SMYD3: variants seen among roughly 807,000 people sequenced by gnomAD.
The protein encoded by SMYD3 is SET and MYND domain containing 3.
Under a neutral mutation model 57.7 loss-of-function variants are expected in SMYD3, and 36 were observed. The ratio of observed to expected loss-of-function variants is 0.62; its 90% CI spans 0.48 to 0.82. The LOEUF (loss-of-function observed/expected upper bound fraction) is 0.82. Ranked by LOEUF, SMYD3 falls within the 40% of genes least tolerant of loss-of-function variation. The probability of loss-of-function intolerance (pLI) is 0.00; values close to 1 mark genes in which losing one functional copy is unlikely to be tolerated. For synonymous variants in SMYD3, 211 were observed against 195.0 expected (o/e 1.08, Z -0.68); for missense variants, 515 against 538.8 (o/e 0.96, Z 0.44).
At chr1:246,352,682 A>G (rs1224368779) in intron 2 of SMYD3, among the ~76,000 whole-genome samples, 1 of 152,180 alleles carries the variant, frequency 6.6e-6, no homozygotes, top group African/African-American at 2.4e-5. Flanking sequence ...CAGCTAATAT[A>G]TGTAGTAAAA....
chr1:245,882,893 T>C (rs1381410059), intron 8 of SMYD3, among the ~76,000 whole-genome samples: 1 of 152,216 alleles, frequency 6.6e-6, no homozygotes, highest in African/African-American at 2.4e-5. Flanking sequence ...TATGGTAGCA[T>C]GAAAAGCTCA....
At chr1:246,201,751 G>A (rs936733983) in intron 5 of SMYD3, among the ~76,000 whole-genome samples, 3 of 152,170 alleles carry the variant, frequency 2.0e-5, no homozygotes, top group African/African-American at 7.2e-5. Context: ...GGTGGCTCAC[G>A]CCAGTAATCC....
rs1353092616 is a variant in SMYD3 at position 246,209,248 on chromosome 1, AC to A, written c.531+117952del. Among the ~76,000 whole-genome samples, 26 of 152,298 alleles carry A rather than the reference AC, an allele frequency of 1.7e-4. No individual in the cohort carries two copies. The East Asian group carries it at 4.6e-3, about 27-fold the overall frequency. ...AAATGGCTGTGATGATAAATTACAGACCTTAATAACTTCTGAACAATTTGAA... is the reference window on the plus strand; with the variant it reads ...AAATGGCTGTGATGATAAATTACAGACTTAATAACTTCTGAACAATTTGAA... On this transcript the variant is annotated intron_variant, in intron 5 of 11. Coordinates refer to ENST00000490107, the MANE Select transcript of SMYD3 (RefSeq NM_001167740.2).
chr1:245,850,859 T>G (rs574654377), intron 10 of SMYD3, among the ~76,000 whole-genome samples: 2 of 152,156 alleles, frequency 1.3e-5, no homozygotes, highest in South Asian at 2.1e-4. Flanking sequence ...AAGCTGGTCA[T>G]GAGCACAGCC....
At chr1:245,934,321 C>T (rs1172447887) in intron 5 of SMYD3, among the ~76,000 whole-genome samples, 3 of 152,116 alleles carry the variant, frequency 2.0e-5, no homozygotes, top group South Asian at 4.1e-4. Context: ...TGCCTCTGCC[C>T]CCCGGCACCC....
chr1:245,842,292 G>A (rs1436461535), intron 10 of SMYD3, among the ~76,000 whole-genome samples: 3 of 152,188 alleles, frequency 2.0e-5, no homozygotes, highest in Admixed American at 2.0e-4. Context: ...GGGTAAATGT[G>A]CATATCTGAA....
At position 245,977,029 on chromosome 1, in the gene SMYD3, C is replaced by CAGGGAAAGCCATCGTCTCTAGCCT. The variant is rs2058457580; in HGVS notation, c.532-47093_532-47092insAGGCTAGAGACGATGGCTTTCCCT. ...CCAGGGAAAGCCATCGTCTCTAGCCCAGGGAAAGCCATCGTCTCCGGCCCA... is the reference window on the plus strand; with the variant it reads ...CCAGGGAAAGCCATCGTCTCTAGCCCAGGGAAAGCCATCGTCTCTAGCCTAGGGAAAGCCATCGTCTCCGGCCCA... On this transcript the variant is annotated intron_variant, in intron 5 of 11. Transcript: ENST00000490107. 1.1e-4 allele frequency among the ~76,000 whole-genome samples: 4 copies of CAGGGAAAGCCATCGTCTCTAGCCT among 37,012 alleles called. 1 individual carries two copies. Among genetic ancestry groups the CAGGGAAAGCCATCGTCTCTAGCCT allele is most frequent in the African/African-American group, 2.5e-4 (2 of 7,902 alleles). 24.3% of individuals were successfully genotyped at this position (37,012 alleles called of 152,430 possible).
At position 246,441,600 on chromosome 1, in the gene SMYD3, ATTTC is replaced by A. The variant is rs558899208; in HGVS notation, c.164+65450_164+65453del. ...TGACATTTTAGGGGCTAATGCCTAT[ATTTC>A]TTTCTTTCTTTGTTTTTTCCCCCTT... On this transcript the variant is annotated intron_variant, in intron 1 of 11. Transcript: ENST00000490107. 5.9e-5 allele frequency among the ~76,000 whole-genome samples: 9 copies of A among 152,136 alleles called. No individual in the cohort carries two copies. The South Asian group carries it at 1.2e-3, about 21-fold the overall frequency.
intron 5 of SMYD3, among the ~76,000 whole-genome samples, chr1:246,267,375 G>A (rs527621487): frequency 3.3e-5 from 5 of 151,982 alleles, no homozygotes; most frequent in Non-Finnish European, 7.4e-5. Flanking sequence ...GAAAAAAAAT[G>A]GTATTATTTT....
At chr1:246,195,031 T>C (rs1443540897) in intron 5 of SMYD3, among the ~76,000 whole-genome samples, 1 of 152,244 alleles carries the variant, frequency 6.6e-6, no homozygotes, top group Non-Finnish European at 1.5e-5. Flanking sequence ...TCCAGTCTTT[T>C]ACAAACACTT....
At chr1:245,915,715 G>T in intron 7 of SMYD3, 75 bp from the exon 8 acceptor site, 1 of 941,384 alleles carries the variant, frequency 1.1e-6, no homozygotes, top group Non-Finnish European at 1.6e-6. Flanking sequence ...TATTATTATT[G>T]CTAATTATTG....
intron 1 of SMYD3, among the ~76,000 whole-genome samples, chr1:246,445,423 T>C (rs1463177025): frequency 1.3e-5 from 2 of 152,198 alleles, no homozygotes; most frequent in Non-Finnish European, 2.9e-5. Context: ...TTGCCTTCCA[T>C]GAATGTAACC....
At chr1:246,395,106 A>G (rs369601259) in intron 1 of SMYD3, among the ~76,000 whole-genome samples, 2 of 152,350 alleles carry the variant, frequency 1.3e-5, no homozygotes, top group Admixed American at 6.5e-5. Flanking sequence ...AAGAGAGGCA[A>G]TTCGGTCACT....
intron 5 of SMYD3, among the ~76,000 whole-genome samples, chr1:246,306,476 A>T (rs1043715377): frequency 1.3e-5 from 2 of 152,152 alleles, no homozygotes; most frequent in African/African-American, 4.8e-5. Context: ...TATATTTTAT[A>T]CTCTAAAATT....
At chr1:245,915,001 A>C (rs1191655206) in intron 8 of SMYD3, among the ~76,000 whole-genome samples, 5 of 152,150 alleles carry the variant, frequency 3.3e-5, no homozygotes, top group Non-Finnish European at 5.9e-5. Context: ...TGGGAAACGA[A>C]ACCATTCTGT....
intron 7 of SMYD3, among the ~76,000 whole-genome samples, chr1:245,919,566 T>C (rs867366705): frequency 8.5e-5 from 13 of 152,298 alleles, no homozygotes; most frequent in Middle Eastern, 3.4e-3. Flanking sequence ...TGGTTATCAA[T>C]TGTGAAGTGC....
chr1:246,373,852 T>G (rs1239090484), intron 1 of SMYD3, among the ~76,000 whole-genome samples: 1 of 152,208 alleles, frequency 6.6e-6, no homozygotes, highest in Non-Finnish European at 1.5e-5. Context: ...TGTTTGAAAA[T>G]ATAGACATGG....
At chr1:246,292,487 A>G (rs1197654) in intron 5 of SMYD3, among the ~76,000 whole-genome samples, 1 of 152,234 alleles carries the variant, frequency 6.6e-6, no homozygotes, top group East Asian at 1.9e-4. Context: ...ATACACCAGT[A>G]CCTTAGACTT....
rs1382005269 is a variant in SMYD3, at chr1:246,475,257, A to G, written c.164+31797T>C. On this transcript the variant is annotated intron_variant, in intron 1 of 11. Coordinates refer to ENST00000490107, the MANE Select transcript of SMYD3 (RefSeq NM_001167740.2). ...TGAGGGAGAACTGCTTGAACCCGGA[A>G]GAGGAGGTTGCAGTGAGCCGAGAGC... Among the ~76,000 whole-genome samples, 4 of 151,532 alleles carry G rather than the reference A, an allele frequency of 2.6e-5. No homozygotes were observed. The East Asian group carries it at 7.9e-4, about 30-fold the overall frequency.
Sources: allele counts gnomAD v4.1 joint callset (sites outside exome capture counted in the v4.1 genomes callset), GRCh38; gene constraint gnomAD v4.1.1; transcripts MANE v1.5; gene names NCBI Gene and HGNC (gene_info 2026-07-23, HGNC 2026-07-21).